CDC42EP4: variants seen among roughly 807,000 people sequenced by gnomAD.
CDC42EP4 encodes CDC42 effector protein (Rho GTPase binding) 4.
A neutral mutation model predicts 5.6 loss-of-function variants in CDC42EP4; 6 were observed. The observed-to-expected ratio is 1.07, with a 90% CI of 0.59 to 2.12. CDC42EP4 has a LOEUF of 2.12. Among genes scored for constraint, CDC42EP4 ranks in the 30% most tolerant of loss-of-function variants. CDC42EP4 has a pLI of 0.00. For synonymous variants in CDC42EP4, 230 were observed against 224.2 expected, an observed-to-expected ratio of 1.03 and a Z score of -0.23; for missense variants, 490 against 508.6, an observed-to-expected ratio of 0.96 and a Z score of 0.35.
chr17:73,298,517 A>G (rs1360931301), intron 1 of CDC42EP4, among the ~76,000 whole-genome samples: 1 of 152,224 alleles, frequency 6.6e-6, no homozygotes, highest in Non-Finnish European at 1.5e-5. Context: ...GATCCTGTGC[A>G]GGTGAAGGTT....
At chr17:73,297,330 C>T (rs1371683752) in intron 1 of CDC42EP4, among the ~76,000 whole-genome samples, 5 of 147,456 alleles carry the variant, frequency 3.4e-5, no homozygotes, top group African/African-American at 7.6e-5. Context: ...ACAAATTAGC[C>T]AGGTGTTGTG....
chr17:73,292,241 C>A (rs1868383508), intron 1 of CDC42EP4, among the ~76,000 whole-genome samples: 1 of 152,244 alleles, frequency 6.6e-6, no homozygotes, highest in Admixed American at 6.5e-5. Context: ...CTCTGCAGGG[C>A]CTTCCCCTAG....
At chr17:73,291,634 C>CT (rs1411200436) in intron 1 of CDC42EP4, among the ~76,000 whole-genome samples, 1 of 152,064 alleles carries the variant, frequency 6.6e-6, no homozygotes, top group African/African-American at 2.4e-5. Context: ...GGGGAAGTGG[C>CT]TAAAATAGGC....
intron 1 of CDC42EP4, among the ~76,000 whole-genome samples, 151 bp downstream of exon 1, chr17:73,311,742 G>T (rs998754808): frequency 1.3e-5 from 2 of 152,210 alleles, no homozygotes; most frequent in Non-Finnish European, 2.9e-5. Flanking sequence ...CCGAGAAGTG[G>T]GGGCTCCGCG....
chr17:73,298,074 T>C (rs2062198095), intron 1 of CDC42EP4, among the ~76,000 whole-genome samples: 1 of 151,126 alleles, frequency 6.6e-6, no homozygotes, highest in African/African-American at 2.4e-5. Flanking sequence ...GACTATCTAG[T>C]TCTCTGGGTT....
intron 1 of CDC42EP4, among the ~76,000 whole-genome samples, chr17:73,299,786 C>T (rs1442437618): frequency 6.6e-6 from 1 of 152,110 alleles, no homozygotes; most frequent in Non-Finnish European, 1.5e-5. Context: ...ACTCTTGGAG[C>T]TAAGACTCAC....
intron 1 of CDC42EP4, among the ~76,000 whole-genome samples, chr17:73,297,510 A>C (rs1268000368): frequency 6.6e-6 from 1 of 152,068 alleles, no homozygotes; most frequent in African/African-American, 2.4e-5. Flanking sequence ...AAATAGAAAA[A>C]CAGGCAGAAC....
At chr17:73,295,774 G>A (rs573386307) in intron 1 of CDC42EP4, among the ~76,000 whole-genome samples, 6 of 151,722 alleles carry the variant, frequency 4.0e-5, no homozygotes, top group East Asian at 3.9e-4. Context: ...GCATGGTGGC[G>A]GGTGCCTGTA....
chr17:73,304,758 A>G (rs1033255146), intron 1 of CDC42EP4, among the ~76,000 whole-genome samples: 1 of 152,134 alleles, frequency 6.6e-6, no homozygotes, highest in Admixed American at 6.6e-5. Flanking sequence ...TACACACAGG[A>G]TACGCAGTTG....
chr17:73,305,910 G>A (rs1037925116), intron 1 of CDC42EP4, among the ~76,000 whole-genome samples: 1 of 152,150 alleles, frequency 6.6e-6, no homozygotes, highest in African/African-American at 2.4e-5. Flanking sequence ...CTGATGCAGG[G>A]GGAAGGGTCC....
Position 73,295,773 on chromosome 17 carries a change from C to T in CDC42EP4, c.-112-9161G>A, listed in dbSNP as rs184757344. Reference sequence around the variant, plus strand: ...CAAAGAAATTAGCCAGGCATGGTGGCGGGTGCCTGTAATCCCAGCTACTAG... The same window carrying T: ...CAAAGAAATTAGCCAGGCATGGTGGTGGGTGCCTGTAATCCCAGCTACTAG... On this transcript the variant is annotated intron_variant, in intron 1 of 1. Transcript: ENST00000335793. 5.7e-3 allele frequency among the ~76,000 whole-genome samples: 871 copies of T among 151,826 alleles called. 3 individuals are homozygous for T. Among genetic ancestry groups the T allele is most frequent in the South Asian group, 8.3e-3 (40 of 4,810 alleles).
At chr17:73,304,854 A>G (rs1599442188) in intron 1 of CDC42EP4, among the ~76,000 whole-genome samples, 1 of 152,328 alleles carries the variant, frequency 6.6e-6, no homozygotes, top group Non-Finnish European at 1.5e-5. Context: ...ATCCTGGAAA[A>G]TACAGGCTAC....
intron 1 of CDC42EP4, among the ~76,000 whole-genome samples, chr17:73,292,289 T>C (rs925930900): frequency 2.0e-5 from 3 of 152,238 alleles, no homozygotes; most frequent in Non-Finnish European, 4.4e-5. Flanking sequence ...GTCCAGGCAA[T>C]GTGGCCGAAT....
At chr17:73,304,408 A>G (rs1385683780) in intron 1 of CDC42EP4, among the ~76,000 whole-genome samples, 2 of 151,864 alleles carry the variant, frequency 1.3e-5, no homozygotes, top group African/African-American at 4.8e-5. Flanking sequence ...CTGCTTCCCA[A>G]AGTGCTGGGA....
intron 1 of CDC42EP4, among the ~76,000 whole-genome samples, chr17:73,287,863 C>T (rs912995539): frequency 1.3e-5 from 2 of 152,152 alleles, no homozygotes; most frequent in African/African-American, 4.8e-5. Flanking sequence ...TGGCCCCTGA[C>T]ATCAGCCTGA....
intron 1 of CDC42EP4, among the ~76,000 whole-genome samples, chr17:73,308,067 G>T (rs573789571): frequency 6.6e-6 from 1 of 151,972 alleles, no homozygotes; most frequent in African/African-American, 2.4e-5. Flanking sequence ...CCTTCCCAAC[G>T]CACTCAAGCA....
intron 1 of CDC42EP4, among the ~76,000 whole-genome samples, chr17:73,306,448 T>C (rs2062244539): frequency 1.3e-5 from 2 of 152,126 alleles, no homozygotes; most frequent in African/African-American, 4.8e-5. Context: ...TGCAGTGAGC[T>C]GTGATTGCAC....
chr17:73,286,932 A>G lies in CDC42EP4; in HGVS notation c.-112-320T>C, dbSNP rs76800525. On this transcript the variant is annotated intron_variant, in intron 1 of 1. Transcript: ENST00000335793. This position sits in a 1 kb window ranked among gnomAD's most constrained non-coding sequence, Gnocchi z 7.7. ...AAGCCAGGATGCTGCCAGAGTAAAC[A>G]TGACCACATTTAAGGACGCGAAGGT... The G allele has an allele frequency of 0.024, 4,126 of 175,076 alleles. 173 individuals carry two copies. The highest frequency in any genetic ancestry group is 0.089 in the African/African-American group (3,777 of 42,258). The allele number at this position is 175,076 out of a possible 1,614,324, so 10.8% of individuals were successfully genotyped here. A position where few individuals can be genotyped will look rare whatever the true frequency, so the allele number is the denominator to read the frequency against.
chr17:73,300,378 G>A (rs1050038887), intron 1 of CDC42EP4, among the ~76,000 whole-genome samples: 1 of 152,138 alleles, frequency 6.6e-6, no homozygotes, highest in Non-Finnish European at 1.5e-5. Context: ...AGTCTACTGG[G>A]AAGGGGGGTG....
Sources: allele counts gnomAD v4.1 joint callset (sites outside exome capture counted in the v4.1 genomes callset), GRCh38; gene constraint gnomAD v4.1.1; non-coding constraint Gnocchi (gnomAD v3.1); transcripts MANE v1.5; gene names NCBI Gene and HGNC (gene_info 2026-07-23, HGNC 2026-07-21).